The following HCN1 variants were observed in gnomAD, a reference collection of about 807,000 sequenced individuals.
HCN1 encodes the protein hyperpolarization activated cyclic nucleotide gated potassium channel 1.
A neutral mutation model predicts 78.9 loss-of-function variants in HCN1; 13 were observed. The ratio of observed to expected loss-of-function variants is 0.16; its 90% CI spans 0.11 to 0.26. The LOEUF is 0.26. Ranked by LOEUF, HCN1 falls within the 10% of genes least tolerant of loss-of-function variation. HCN1 has a pLI of 1.00. For synonymous variants in HCN1, 552 were observed against 455.5 expected, an observed-to-expected ratio of 1.21 and a Z score of -2.70; for missense variants, 810 against 1,154.3, an observed-to-expected ratio of 0.70 and a Z score of 4.32.
intron 2 of HCN1, among the ~76,000 whole-genome samples, chr5:45,604,446 T>TA (rs537441997): frequency 6.6e-6 from 1 of 151,866 alleles, no homozygotes; most frequent in Non-Finnish European, 1.5e-5. Flanking sequence ...TTTGACACAC[T>TA]AAAAAGGTCT....
At chr5:45,378,702 C>G (rs1266047672) in intron 4 of HCN1, among the ~76,000 whole-genome samples, 1 of 152,038 alleles carries the variant, frequency 6.6e-6, no homozygotes, top group Non-Finnish European at 1.5e-5. Flanking sequence ...ATACATGTGC[C>G]ATGTTGCTGT....
intron 2 of HCN1, among the ~76,000 whole-genome samples, chr5:45,464,801 C>T (rs1579912017): frequency 7.1e-6 from 1 of 141,270 alleles, no homozygotes; most frequent in African/African-American, 2.7e-5. Flanking sequence ...AGATTAATAG[C>T]CCTGTTAAAA....
chr5:45,324,914 G>A (rs1310218027), intron 5 of HCN1, among the ~76,000 whole-genome samples: 1 of 151,756 alleles, frequency 6.6e-6, no homozygotes, highest in Non-Finnish European at 1.5e-5. Context: ...TTGTGATACA[G>A]TGCCCCAAGC....
intron 3 of HCN1, among the ~76,000 whole-genome samples, chr5:45,420,721 A>G (rs1579882333): frequency 6.6e-6 from 1 of 151,814 alleles, no homozygotes; most frequent in South Asian, 2.1e-4. Context: ...CACACACACA[A>G]ACACACACAC....
In HCN1 at chr5:45,417,786, C is replaced by T. The variant is rs1043407739; in HGVS notation, c.1012-21076G>A. Among the ~76,000 whole-genome samples the T allele has an allele frequency of 4.9e-5, 7 of 141,950 alleles. No homozygotes were observed. The East Asian group carries it at 8.1e-4, about 16-fold the overall frequency. 93.1% of individuals were successfully genotyped at this position (141,950 alleles called of 152,430 possible). On this transcript the variant is annotated intron_variant, in intron 3 of 7. Coordinates refer to ENST00000303230, the MANE Select transcript of HCN1 (RefSeq NM_021072.4). ...AAAAAAAAAAAAAAAAACAAGGTCACGCTCAAGGTGTATGACTTCATGGTG... is the reference window on the plus strand; with the variant it reads ...AAAAAAAAAAAAAAAAACAAGGTCATGCTCAAGGTGTATGACTTCATGGTG...
At chr5:45,496,111 C>T (rs552748643) in intron 2 of HCN1, among the ~76,000 whole-genome samples, 12 of 152,152 alleles carry the variant, frequency 7.9e-5, no homozygotes, top group Admixed American at 7.8e-4. Flanking sequence ...TGATGCTGGC[C>T]TCATAAAATG....
intron 5 of HCN1, among the ~76,000 whole-genome samples, chr5:45,324,894 CA>C (rs1285413451): frequency 6.6e-6 from 1 of 151,650 alleles, no homozygotes; most frequent in African/African-American, 2.4e-5. Flanking sequence ...CAAAATAAAA[CA>C]TCATTATCTT....
intron 2 of HCN1, among the ~76,000 whole-genome samples, chr5:45,462,757 A>C (rs1741187424): frequency 6.6e-6 from 1 of 152,092 alleles, no homozygotes; most frequent in African/African-American, 2.4e-5. Flanking sequence ...ACAAATCAAC[A>C]TAATCCATCA....
At chr5:45,284,145 G>A (rs1419060209) in intron 6 of HCN1, among the ~76,000 whole-genome samples, 1 of 152,098 alleles carries the variant, frequency 6.6e-6, no homozygotes, top group Admixed American at 6.6e-5. Context: ...TTTGAGGATA[G>A]AGGGTAGGAG....
At chr5:45,429,228 A>G (rs1660519359) in intron 3 of HCN1, among the ~76,000 whole-genome samples, 1 of 152,210 alleles carries the variant, frequency 6.6e-6, no homozygotes, top group Non-Finnish European at 1.5e-5. Flanking sequence ...GTTATACATT[A>G]TTGTAAAAGA....
At chr5:45,508,260 A>G (rs1458034855) in intron 2 of HCN1, among the ~76,000 whole-genome samples, 3 of 152,114 alleles carry the variant, frequency 2.0e-5, no homozygotes, top group Non-Finnish European at 2.9e-5. Flanking sequence ...AAAATTCCCA[A>G]AGGCCACTGT....
At position 45,343,839 on chromosome 5, in the gene HCN1, A is replaced by C. The variant is rs149230269; in HGVS notation, c.1377+9261T>G. Among the ~76,000 whole-genome samples, 1,021 of 151,842 alleles carry C rather than the reference A, an allele frequency of 6.7e-3. 82 individuals carry two copies. In the East Asian group the frequency reaches 0.17, roughly 25 times the overall value. On this transcript the variant is annotated intron_variant, in intron 5 of 7. Transcript: ENST00000303230. ...TGGCTCAGAAATGTTGCAGTGTTAA[A>C]GAAGCCAAAAAAAAATTAAAAATAA...
intron 1 of HCN1, among the ~76,000 whole-genome samples, chr5:45,668,872 CTTG>C (rs1746099727): frequency 6.6e-6 from 1 of 151,766 alleles, no homozygotes; most frequent in Non-Finnish European, 1.5e-5. Context: ...CCACTAGTAT[CTTG>C]TTGTCAGCTC....
intron 4 of HCN1, among the ~76,000 whole-genome samples, chr5:45,363,868 T>C (rs1280437935): frequency 6.6e-6 from 1 of 152,064 alleles, no homozygotes; most frequent in African/African-American, 2.4e-5. Flanking sequence ...GTAAGTCCAA[T>C]TAAATCTCTT....
intron 2 of HCN1, among the ~76,000 whole-genome samples, chr5:45,622,561 G>C (rs1240528533): frequency 2.6e-5 from 4 of 151,986 alleles, no homozygotes; most frequent in Non-Finnish European, 4.4e-5. Flanking sequence ...AAGCTGATTG[G>C]ATGACTCAGC....
Position 45,267,081 on chromosome 5 carries a change from T to TA in HCN1, c.1783+7dup, listed in dbSNP as rs56154381. Reference sequence around the variant, plus strand: ...ATTTTATATAAAGAAGGTAGAAAACTAGAGTACCTATTCGATCTAGTCGGT... The same window carrying TA: ...ATTTTATATAAAGAAGGTAGAAAACTAAGAGTACCTATTCGATCTAGTCGGT... On this transcript the variant is annotated splice_region_variant and intron_variant, in intron 7 of 7. Transcript: ENST00000303230. 0.013 allele frequency: 21,329 copies of TA among 1,607,762 alleles called. 862 individuals carry two copies. In the African/African-American group the frequency reaches 0.14, roughly 11 times the overall value.
chr5:45,604,514 C>T (rs1017278507), intron 2 of HCN1, among the ~76,000 whole-genome samples: 3 of 151,688 alleles, frequency 2.0e-5, no homozygotes, highest in Non-Finnish European at 4.4e-5. Flanking sequence ...GGTGACAAAG[C>T]GTCTATGAAC....
At chr5:45,677,034 G>A (rs1249524930) in intron 1 of HCN1, among the ~76,000 whole-genome samples, 1 of 151,664 alleles carries the variant, frequency 6.6e-6, no homozygotes, top group African/African-American at 2.4e-5. Context: ...CAAGTATTCA[G>A]TTCTGTCTTC....
chr5:45,648,643 C>T (rs1374741297), intron 1 of HCN1, among the ~76,000 whole-genome samples: 1 of 150,122 alleles, frequency 6.7e-6, no homozygotes, highest in South Asian at 2.1e-4. Flanking sequence ...AAATCTCTTA[C>T]CTAATTGCCC....
Sources: gnomAD v4.1 joint callset for allele counts (sites outside exome capture counted in the v4.1 genomes callset) on GRCh38, gnomAD v4.1.1 for gene constraint, MANE v1.5 for transcripts, NCBI Gene and HGNC (gene_info 2026-07-23, HGNC 2026-07-21) for gene names.